The following LRP1B variants were observed in gnomAD, a reference collection of about 807,000 sequenced individuals.
The protein encoded by LRP1B is LDL receptor related protein 1B.
Under a neutral mutation model 556.6 loss-of-function variants are expected in LRP1B, and 217 were observed. The observed-to-expected ratio is 0.39, with a 90% CI of 0.35 to 0.44. The LOEUF (loss-of-function observed/expected upper bound fraction) is 0.44. LRP1B is among the 20% of genes least tolerant of loss of function. The pLI, the probability that LRP1B is intolerant of heterozygous loss-of-function variation, is 1.00. For missense variants in LRP1B, 5,053 were observed against 5,620.8 expected (o/e 0.90, Z 3.23); for synonymous variants, 2,047 against 1,865.8 (o/e 1.10, Z -2.50).
intron 35 of LRP1B, among the ~76,000 whole-genome samples, chr2:140,766,856 ATATATAT>A (rs1559106463): frequency 2.0e-5 from 1 of 49,686 alleles, no homozygotes; most frequent in East Asian, 1.4e-3. Flanking sequence ...ATATATATAT[ATATATAT>A]ATAATATATA....
chr2:141,396,239 C>A (rs1690233342), intron 3 of LRP1B, among the ~76,000 whole-genome samples: 1 of 152,090 alleles, frequency 6.6e-6, no homozygotes, highest in South Asian at 2.1e-4. Flanking sequence ...CAAGCAGATT[C>A]ACAAAATTTA....
At chr2:140,433,641 G>A (rs1686048408) in intron 66 of LRP1B, among the ~76,000 whole-genome samples, 1 of 151,952 alleles carries the variant, frequency 6.6e-6, no homozygotes, top group African/African-American at 2.4e-5. Context: ...TTGTACATAG[G>A]CACATATTCT....
At chr2:141,386,277 T>C (rs1293000952) in intron 3 of LRP1B, among the ~76,000 whole-genome samples, 8 of 152,144 alleles carry the variant, frequency 5.3e-5, no homozygotes, top group Non-Finnish European at 1.0e-4. Flanking sequence ...AAAACACTTA[T>C]GGTTTCAAAC....
chr2:141,814,920 C>G (rs1696481139), intron 1 of LRP1B, among the ~76,000 whole-genome samples: 1 of 151,962 alleles, frequency 6.6e-6, no homozygotes, highest in Non-Finnish European at 1.5e-5. Context: ...GGCAGTGAGG[C>G]AGAGGAAACA....
At chr2:140,904,863 A>G (rs561981741) in intron 22 of LRP1B, among the ~76,000 whole-genome samples, 4 of 152,206 alleles carry the variant, frequency 2.6e-5, no homozygotes, top group African/African-American at 4.8e-5. Context: ...AAAAATTGTT[A>G]CAATGCTTTT....
intron 77 of LRP1B, among the ~76,000 whole-genome samples, chr2:140,339,985 G>A (rs1313301961): frequency 6.6e-6 from 1 of 151,362 alleles, no homozygotes; most frequent in African/African-American, 2.4e-5. Flanking sequence ...TCTATTAGAC[G>A]AAAAAGAAAC....
chr2:140,477,204 A>G (rs1407309230), intron 59 of LRP1B, among the ~76,000 whole-genome samples: 1 of 152,060 alleles, frequency 6.6e-6, no homozygotes, highest in Non-Finnish European at 1.5e-5. Flanking sequence ...ATAAATCAGA[A>G]CAATTCTCTT....
intron 7 of LRP1B, among the ~76,000 whole-genome samples, chr2:141,096,907 G>A (rs1329560319): frequency 1.3e-5 from 2 of 152,156 alleles, no homozygotes; most frequent in Admixed American, 6.5e-5. Flanking sequence ...AGTAAGGTCA[G>A]AAAGAGATTA....
intron 1 of LRP1B, among the ~76,000 whole-genome samples, chr2:141,983,224 T>C (rs1702090732): frequency 6.6e-6 from 1 of 152,162 alleles, no homozygotes; most frequent in Admixed American, 6.5e-5. Flanking sequence ...CGTATTTTTC[T>C]ATAGATACTT....
chr2:141,705,239 A>G (rs1692094502), intron 2 of LRP1B, among the ~76,000 whole-genome samples: 1 of 151,994 alleles, frequency 6.6e-6, no homozygotes, highest in South Asian at 2.1e-4. Flanking sequence ...GTAGGCTTGA[A>G]TATCAATTTC....
intron 27 of LRP1B, among the ~76,000 whole-genome samples, chr2:140,863,410 T>A (rs1457700883): frequency 1.3e-5 from 2 of 152,198 alleles, no homozygotes; most frequent in African/African-American, 4.8e-5. Context: ...ACCTAAGACC[T>A]ACTGAATCAG....
chr2:140,993,612 G>A (rs530645215), intron 16 of LRP1B, among the ~76,000 whole-genome samples: 4 of 152,110 alleles, frequency 2.6e-5, no homozygotes, highest in Middle Eastern at 3.4e-3. Context: ...GGAGTGGATC[G>A]TGACCTTCTG....
chr2:140,741,220 G>T (rs1432637398), intron 35 of LRP1B, among the ~76,000 whole-genome samples: 1 of 152,134 alleles, frequency 6.6e-6, no homozygotes, highest in Non-Finnish European at 1.5e-5. Context: ...TCCAGGGCAA[G>T]CAGACATTTG....
chr2:141,916,886 A>G (rs916317165), intron 1 of LRP1B, among the ~76,000 whole-genome samples: 3 of 152,182 alleles, frequency 2.0e-5, no homozygotes, highest in Admixed American at 2.0e-4. Context: ...ATACCCAGGT[A>G]ACAAACCTAC....
At chr2:141,702,001 AC>A (rs1481071230) in intron 2 of LRP1B, among the ~76,000 whole-genome samples, 1 of 151,940 alleles carries the variant, frequency 6.6e-6, no homozygotes, top group Non-Finnish European at 1.5e-5. Flanking sequence ...TTATTTTCAA[AC>A]CAAATGCCAA....
In LRP1B at chr2:140,977,066, G is replaced by C. The variant is rs561681842; in HGVS notation, c.2887+5094C>G. 2.6e-5 allele frequency among the ~76,000 whole-genome samples: 4 copies of C among 152,260 alleles called. No homozygotes were observed. The South Asian group carries it at 8.3e-4, about 32-fold the overall frequency. On this transcript the variant is annotated intron_variant, in intron 18 of 90. Coordinates refer to ENST00000389484, the MANE Select transcript of LRP1B (RefSeq NM_018557.3). ...ACATTATCATGTTTAATCATGAAAT[G>C]CCCTTATATTTAATATAGTAATTTG... is the stretch of plus-strand genomic sequence containing the variant.
intron 79 of LRP1B, among the ~76,000 whole-genome samples, chr2:140,333,066 T>G (rs1680893260): frequency 6.6e-6 from 1 of 152,066 alleles, no homozygotes. Context: ...TCTTCCATTC[T>G]CTTGAATTGT....
At chr2:140,390,364 C>A (rs1177261575) in intron 66 of LRP1B, among the ~76,000 whole-genome samples, 1 of 151,936 alleles carries the variant, frequency 6.6e-6, no homozygotes, top group Non-Finnish European at 1.5e-5. Context: ...TGAAGAAAGG[C>A]AAGTCTTTTA....
At chr2:141,534,554 A>G (rs535082580) in intron 2 of LRP1B, among the ~76,000 whole-genome samples, 3 of 152,226 alleles carry the variant, frequency 2.0e-5, no homozygotes, top group Admixed American at 2.0e-4. Context: ...ATCACTCCTG[A>G]GGTCTAAATA....
Sources: allele counts gnomAD v4.1 joint callset (sites outside exome capture counted in the v4.1 genomes callset), GRCh38; gene constraint gnomAD v4.1.1; transcripts MANE v1.5; gene names NCBI Gene and HGNC (gene_info 2026-07-23, HGNC 2026-07-21).